Variants in ACAP3 observed in about 807,000 individuals in gnomAD.
ACAP3 encodes the protein arf-GAP with coiled-coil, ANK repeat and PH domain-containing protein 3.
ACAP3 carries 56 observed loss-of-function variants against 104.1 expected under a neutral mutation model. The ratio of observed to expected loss-of-function variants is 0.54; its 90% CI spans 0.43 to 0.67. The LOEUF is 0.67. ACAP3 is among the 30% of genes least tolerant of loss of function. The pLI, the probability that ACAP3 is intolerant of heterozygous loss-of-function variation, is 0.00. For missense variants in ACAP3, 1,208 were observed against 1,174.9 expected (o/e 1.03, Z -0.41); for synonymous variants, 628 against 496.2 (o/e 1.27, Z -3.53).
rs1557598789 is a variant in ACAP3, at chr1:1,296,121, C to T, written c.1408-12G>A. 1.2e-6 allele frequency: 2 copies of T among 1,612,520 alleles called. No individual in the cohort carries two copies. The highest frequency in any genetic ancestry group is 1.1e-5 in the South Asian group (1 of 91,022). ...AGCTCACACATCAGCTAGCGGGAGACAGGGCGAGCAGGCATCAGTGCGAAC... is the reference window on the plus strand; with the variant it reads ...AGCTCACACATCAGCTAGCGGGAGATAGGGCGAGCAGGCATCAGTGCGAAC... On this transcript the variant is annotated splice_polypyrimidine_tract_variant and intron_variant, in intron 16 of 23. Coordinates refer to ENST00000354700, the MANE Select transcript of ACAP3 (RefSeq NM_030649.3).
rs766387958 is a variant in ACAP3, at chr1:1,303,260, T to C, written c.127A>G (p.Met43Val). 1.7e-5 allele frequency: 27 copies of C among 1,596,552 alleles called. No individual in the cohort carries two copies. Among genetic ancestry groups the C allele is most frequent in the Non-Finnish European group, 2.2e-5 (26 of 1,172,856 alleles). Residue 43 changes from methionine (M) to valine (V), a missense_variant, in exon 3 of 24, where the codon ATG becomes GTG. Physicochemically the swap from Met to Val is conservative, Grantham distance 21. Coordinates refer to ENST00000354700, the MANE Select transcript of ACAP3 (RefSeq NM_030649.3). The surrounding 1 kb of genome is among the most constrained non-coding windows in gnomAD (Gnocchi z 4.0). ...ACGTAGGCCTTACCGGCTTCCACCA[T>C]GCCACTGCACAGCTTCACCAGCTGT... is the stretch of plus-strand genomic sequence containing the variant. Reference protein sequence around the residue: ...LDKLVKLCSGMVEAGKAYVST... With the variant: ...LDKLVKLCSGVVEAGKAYVST...
In ACAP3 at chr1:1,296,170, C is replaced by A. The variant is rs377421242; in HGVS notation, c.1407+41G>T. The A allele has an allele frequency of 5.5e-5, 89 of 1,603,650 alleles. No homozygotes were observed. In the African/African-American group the frequency reaches 9.6e-4, roughly 17 times the overall value. On this transcript the variant is annotated intron_variant, in intron 16 of 23. Coordinates refer to ENST00000354700, the MANE Select transcript of ACAP3 (RefSeq NM_030649.3). ...ACCTGCAGACCCCAGCTCCCGCCCC[C>A]ACAAACGGGGTCCCGTGGCCTCCAG...
Position 1,303,004 on chromosome 1 carries a change from AG to A in ACAP3, c.226-30del, listed in dbSNP as rs764643323. The A allele has an allele frequency of 8.1e-6, 13 of 1,600,936 alleles. No homozygotes were observed. In the African/African-American group the frequency reaches 1.7e-4, roughly 21 times the overall value. On this transcript the variant is annotated intron_variant, in intron 3 of 23. Coordinates refer to ENST00000354700, the MANE Select transcript of ACAP3 (RefSeq NM_030649.3). The surrounding 1 kb of genome is among the most constrained non-coding windows in gnomAD (Gnocchi z 4.0). ...GAGGAGCAGATGGGAACCCGTGCTGAGATGGCAAATCCGGGCCCAGGTCACC... is the reference window on the plus strand; with the variant it reads ...GAGGAGCAGATGGGAACCCGTGCTGAATGGCAAATCCGGGCCCAGGTCACC...
rs1641544508 is a variant in ACAP3 at position 1,303,547 on chromosome 1, C to G, written c.106-266G>C. ...GGGGACCCAGGGCCAGCAGGACCAG[C>G]AGAACCAGCCCATGTGGGGCTCATG... On this transcript the variant is annotated intron_variant, in intron 2 of 23. Coordinates refer to ENST00000354700, the MANE Select transcript of ACAP3 (RefSeq NM_030649.3). This position sits in a 1 kb window ranked among gnomAD's most constrained non-coding sequence, Gnocchi z 4.0. 1.8e-6 allele frequency: 1 copy of G among 566,970 alleles called. No homozygotes were observed. The highest frequency in any genetic ancestry group is 3.1e-6 in the Non-Finnish European group (1 of 319,306). 35.1% of individuals were successfully genotyped at this position (566,970 alleles called of 1,614,324 possible). A position where few individuals can be genotyped will look rare whatever the true frequency, so the allele number is the denominator to read the frequency against.
intron 14 of ACAP3, among the ~76,000 whole-genome samples, chr1:1,297,122 CG>C (rs1641210109): frequency 2.7e-5 from 4 of 146,096 alleles, no homozygotes; most frequent in Non-Finnish European, 5.9e-5. Context: ...TGCACCGGCA[CG>C]GGGCAGGGGC....
rs1640901900 is a variant in ACAP3, at chr1:1,292,886, G to A, written c.*678C>T. The A allele has an allele frequency of 6.6e-6, 1 of 152,302 alleles. No homozygotes were observed. 9.4% of individuals were successfully genotyped at this position (152,302 alleles called of 1,614,324 possible). A position where few individuals can be genotyped will look rare whatever the true frequency, so the allele number is the denominator to read the frequency against. On this transcript the variant is annotated 3_prime_UTR_variant, in exon 24 of 24. Coordinates refer to ENST00000354700, the MANE Select transcript of ACAP3 (RefSeq NM_030649.3). ...GATGAGGGCTGCAAAGTGGCAAAGT[G>A]GCTTTATGCGCAGGCTCTGGGCCGA... is the stretch of plus-strand genomic sequence containing the variant.
chr1:1,299,723 TG>T, intron 9 of ACAP3, 107 bp downstream of exon 9: 1 of 1,292,602 alleles, frequency 7.7e-7, no homozygotes, highest in Non-Finnish European at 1.1e-6. Flanking sequence ...GCAGGGCAGG[TG>T]GGAGACAGGC....
In ACAP3 at chr1:1,297,845, T is replaced by C; in HGVS notation, c.1105A>G (p.Ser369Gly). 1 of 1,611,630 alleles carries C rather than the reference T, an allele frequency of 6.2e-7. No individual in the cohort carries two copies. The highest frequency in any genetic ancestry group is 8.5e-7 in the Non-Finnish European group (1 of 1,179,334). Residue 369 changes from serine to glycine, a missense_variant, in exon 14 of 24, where the codon AGC becomes GGC. Coordinates refer to ENST00000354700, the MANE Select transcript of ACAP3 (RefSeq NM_030649.3). ...QASIASAYRESPDSCYSERLD... is the reference protein window; with the variant it reads ...QASIASAYREGPDSCYSERLD... ...ACCTCGCTATAGCAACTGTCAGGGC[T>C]CTCGCGGTAGGCGGAGGCGATGCTG...
Position 1,298,625 on chromosome 1 carries a change from C to A in ACAP3, c.805G>T (p.Val269Leu), listed in dbSNP as rs746600073. Residue 269 changes from valine (V) to leucine (L), a missense_variant, in exon 11 of 24, where the codon GTG becomes TTG. Val to Leu is a conservative substitution (Grantham distance 32). Coordinates refer to ENST00000354700, the MANE Select transcript of ACAP3 (RefSeq NM_030649.3). ...VEFDVDAPSGVVMEGYLFKRA... is the reference protein window; with the variant it reads ...VEFDVDAPSGLVMEGYLFKRA... ...TTGAAGAGGTAGCCCTCCATCACCACCCCACTGGGCGCGTCCACGTCAAAC... is the reference window on the plus strand; with the variant it reads ...TTGAAGAGGTAGCCCTCCATCACCAACCCACTGGGCGCGTCCACGTCAAAC... 1.5e-5 allele frequency: 24 copies of A among 1,612,254 alleles called. No individual in the cohort carries two copies. The highest frequency in any genetic ancestry group is 7.6e-6 in the Non-Finnish European group (9 of 1,179,792).
intron 14 of ACAP3, 91 bp from the exon 15 acceptor site, chr1:1,296,724 G>A (rs1310856166): frequency 3.7e-6 from 5 of 1,346,470 alleles, no homozygotes; most frequent in East Asian, 2.5e-5. Context: ...AAGAGCCAAT[G>A]CAGGCCAGGG....
chr1:1,303,964 C>G lies in ACAP3; in HGVS notation c.105+122G>C, dbSNP rs1641567877. The G allele has an allele frequency of 1.7e-6, 2 of 1,191,078 alleles. No individual in the cohort carries two copies. The highest frequency in any genetic ancestry group is 3.0e-5 in the African/African-American group (2 of 65,922). The allele number at this position is 1,191,078 out of a possible 1,614,324, so 73.8% of individuals were successfully genotyped here. ...AAGACACAGGGACCAGGACCTGGAG[C>G]ACCACACGCATGCTCCACATATGGG... On this transcript the variant is annotated intron_variant, in intron 2 of 23. Coordinates refer to ENST00000354700, the MANE Select transcript of ACAP3 (RefSeq NM_030649.3). This position sits in a 1 kb window ranked among gnomAD's most constrained non-coding sequence, Gnocchi z 4.0.
chr1:1,306,196 G>T (rs1423935326), intron 1 of ACAP3, among the ~76,000 whole-genome samples: 2 of 152,156 alleles, frequency 1.3e-5, no homozygotes, highest in Admixed American at 1.3e-4. Flanking sequence ...ACTGGCTCCT[G>T]TAACAGGCTC....
rs563202250 is a variant in ACAP3 at position 1,303,664 on chromosome 1, G to A, written c.106-383C>T. The A allele has an allele frequency of 3.7e-3, 1,173 of 313,596 alleles. 29 individuals are homozygous for A. Among genetic ancestry groups the A allele is most frequent in the African/African-American group, 0.037 (971 of 26,598 alleles). The allele number at this position is 313,596 out of a possible 1,614,324, so 19.4% of individuals were successfully genotyped here. ...TCATGGACACGGCTCCCCTCTCCAC[G>A]GCCTGTTGCCCCCTCTTTCTCAGCC... is the stretch of plus-strand genomic sequence containing the variant. On this transcript the variant is annotated intron_variant, in intron 2 of 23. Transcript: ENST00000354700. The surrounding 1 kb of genome is among the most constrained non-coding windows in gnomAD (Gnocchi z 4.0).
intron 1 of ACAP3, chr1:1,305,372 G>A (rs1254457981): frequency 6.5e-6 from 1 of 152,746 alleles, no homozygotes; most frequent in African/African-American, 2.4e-5. Flanking sequence ...GAGGATCCCA[G>A]AACAGAGAAG....
rs969505947 is a variant in ACAP3 at position 1,294,738 on chromosome 1, A to G, written c.1892T>C (p.Val631Ala). 5 of 1,549,562 alleles carry G rather than the reference A, an allele frequency of 3.2e-6. No individual in the cohort carries two copies. The highest frequency in any genetic ancestry group is 4.4e-6 in the Non-Finnish European group (5 of 1,146,690). ...CCCACCCTCCTCAGTGACGCTGTCC[A>G]CCACAGAGCCCGAGCCGAAAGCCAG... ...DVLAFGSGSV[V>A]DSVTEEEGAE... is the part of the protein sequence containing the mutation. Residue 631 changes from valine to alanine, a missense_variant, in exon 20 of 24, where the codon GTG becomes GCG. Val to Ala is a moderately conservative substitution (Grantham distance 64, BLOSUM62 0). Transcript: ENST00000354700.
Position 1,296,589 on chromosome 1 carries a change from G to A in ACAP3, c.1173C>T (p.Ser391=), listed in dbSNP as rs368868926. ...TASPSTSSID[S]ATDTRERGVK... ...CGCCACGCTCCCGAGTGTCGGTGGC[G>A]GAGTCGATGCTGCTCGTGGACGGGG... The change falls in exon 15 of 24, where the codon TCC becomes TCT. Residue 391 remains serine, a synonymous_variant. Coordinates refer to ENST00000354700, the MANE Select transcript of ACAP3 (RefSeq NM_030649.3). 1,954 of 1,539,436 alleles carry A rather than the reference G, an allele frequency of 1.3e-3. 14 individuals are homozygous for A. The Middle Eastern group carries it at 0.024, about 19-fold the overall frequency.
Position 1,298,644 on chromosome 1 carries a change from G to A in ACAP3, c.786C>T (p.Asp262=), listed in dbSNP as rs774228201. The change falls in exon 11 of 24, where the codon GAC becomes GAT. Residue 262 remains aspartate (D), a synonymous_variant. Transcript: ENST00000354700. ...TCACCACCCCACTGGGCGCGTCCACGTCAAACTCCACTTTGGACTCATCGT... is the reference window on the plus strand; with the variant it reads ...TCACCACCCCACTGGGCGCGTCCACATCAAACTCCACTTTGGACTCATCGT... The part of the protein sequence containing the change: ...FSYDESKVEF[D]VDAPSGVVME... 1.6e-5 allele frequency: 25 copies of A among 1,612,200 alleles called. No individual in the cohort carries two copies. The highest frequency in any genetic ancestry group is 5.0e-5 in the Admixed American group (3 of 59,972).
At position 1,300,371 on chromosome 1, in the gene ACAP3, C is replaced by G. The variant is rs187199395; in HGVS notation, c.522+138G>C. On this transcript the variant is annotated intron_variant, in intron 6 of 23. Coordinates refer to ENST00000354700, the MANE Select transcript of ACAP3 (RefSeq NM_030649.3). ...CCTCCCATGGTCCTGGACTGCTTCC[C>G]CATGTCTGGAGTTCCCACCCATGGG... is the stretch of plus-strand genomic sequence containing the variant. 10 of 1,239,098 alleles carry G rather than the reference C, an allele frequency of 8.1e-6. No homozygotes were observed. The African/African-American group carries it at 1.1e-4, about 13-fold the overall frequency. The allele number at this position is 1,239,098 out of a possible 1,614,324, so 76.8% of individuals were successfully genotyped here.
At position 1,299,880 on chromosome 1, in the gene ACAP3, G is replaced by A. The variant is rs764536025; in HGVS notation, c.689C>T (p.Ala230Val). ...AELDQLVIDS[A>V]VEKREMERKH... ...TCGCTCCATCTCACGCTTTTCCACC[G>A]CAGAGTCGATCACCAGCTGGTCCAG... Residue 230 changes from alanine (A) to valine (V), a missense_variant, in exon 9 of 24, where the codon GCG becomes GTG. Physicochemically the swap from Ala to Val is moderately conservative, Grantham distance 64 (BLOSUM62 0). Coordinates refer to ENST00000354700, the MANE Select transcript of ACAP3 (RefSeq NM_030649.3). 82 of 1,576,216 alleles carry A rather than the reference G, an allele frequency of 5.2e-5. No homozygotes were observed. Among genetic ancestry groups the A allele is most frequent in the Middle Eastern group, 3.5e-4 (2 of 5,694 alleles).
Sources: allele counts gnomAD v4.1 joint callset (sites outside exome capture counted in the v4.1 genomes callset), GRCh38; gene constraint gnomAD v4.1.1; non-coding constraint Gnocchi (gnomAD v3.1); transcripts MANE v1.5; gene names NCBI Gene and HGNC (gene_info 2026-07-23, HGNC 2026-07-21).